LRP2: variants seen among roughly 807,000 people sequenced by gnomAD.
LRP2 encodes low-density lipoprotein receptor-related protein 2.
LRP2 carries 172 observed loss-of-function variants against 531.0 expected under a neutral mutation model. The observed-to-expected ratio is 0.32, with a 90% CI of 0.29 to 0.37. LRP2 has a LOEUF of 0.37. Ranked by LOEUF, LRP2 falls within the 10% of genes least tolerant of loss-of-function variation. The pLI, the probability that LRP2 is intolerant of heterozygous loss-of-function variation, is 1.00. For synonymous variants in LRP2, 1,992 were observed against 2,027.6 expected (o/e 0.98, Z 0.47); for missense variants, 5,167 against 5,868.3 (o/e 0.88, Z 3.90).
chr2:169,327,522 CCGGG>C, intron 1 of LRP2, among the ~76,000 whole-genome samples: 1 of 123,220 alleles, frequency 8.1e-6, no homozygotes, highest in Non-Finnish European at 1.7e-5. Flanking sequence ...GCCGCCCCGT[CCGGG>C]AGGGAGGTGG....
intron 48 of LRP2, among the ~76,000 whole-genome samples, chr2:169,190,237 T>C (rs1241903562): frequency 6.6e-6 from 1 of 152,186 alleles, no homozygotes; most frequent in Non-Finnish European, 1.5e-5. Flanking sequence ...CACTTTACAT[T>C]CATATTACTT....
chr2:169,199,901 T>C (rs1688137669), intron 44 of LRP2, among the ~76,000 whole-genome samples: 1 of 152,234 alleles, frequency 6.6e-6, no homozygotes, highest in Non-Finnish European at 1.5e-5. Flanking sequence ...GATGTCATTA[T>C]AAAATCTAAA....
intron 1 of LRP2, among the ~76,000 whole-genome samples, chr2:169,354,109 G>C (rs1020924478): frequency 6.6e-6 from 1 of 152,156 alleles, no homozygotes; most frequent in African/African-American, 2.4e-5. Context: ...AAAGTGACAA[G>C]CAAATCACTG....
chr2:169,204,258 G>A lies in LRP2; in HGVS notation c.7729C>T (p.Arg2577Cys), dbSNP rs367997832. 23 of 1,612,862 alleles carry A rather than the reference G, an allele frequency of 1.4e-5. No individual in the cohort carries two copies. Among genetic ancestry groups the A allele is most frequent in the South Asian group, 7.7e-5 (7 of 91,086 alleles). ...WVDASLQRIERSTLTGVDREV... is the reference protein window; with the variant it reads ...WVDASLQRIECSTLTGVDREV... ...CGATCCACGCCCGTCAGAGTGCTGCGTTCAATCCTCTGCCTAAAATGAAGC... is the reference window on the plus strand; with the variant it reads ...CGATCCACGCCCGTCAGAGTGCTGCATTCAATCCTCTGCCTAAAATGAAGC... The change falls in exon 42 of 79, where the codon CGC becomes TGC. Residue 2577 changes from arginine (R) to cysteine (C), a missense_variant. Transcript: ENST00000649046.
At chr2:169,228,082 T>A (rs973269588) in intron 31 of LRP2, among the ~76,000 whole-genome samples, 5 of 152,188 alleles carry the variant, frequency 3.3e-5, no homozygotes, top group African/African-American at 1.2e-4. Context: ...GGTAAGTATT[T>A]CCCTTAATTT....
chr2:169,323,013 C>T (rs1684945673), intron 1 of LRP2, among the ~76,000 whole-genome samples: 1 of 151,870 alleles, frequency 6.6e-6, no homozygotes, highest in African/African-American at 2.4e-5. Flanking sequence ...AACTAAAATA[C>T]CAAGTTAAAC....
chr2:169,162,456 A>C lies in LRP2; in HGVS notation c.11887+16T>G. The stretch of plus-strand genomic sequence containing the variant: ...TGAGTTACTACAATGAACTATAAAA[A>C]CAAGTGTTTACTTACTGCAACCCAG... On this transcript the variant is annotated intron_variant, in intron 63 of 78. Transcript: ENST00000649046. The C allele has an allele frequency of 1.2e-6, 2 of 1,613,924 alleles. No individual in the cohort carries two copies. The highest frequency in any genetic ancestry group is 1.7e-6 in the Non-Finnish European group (2 of 1,179,884).
chr2:169,248,620 T>C (rs1286137952), intron 19 of LRP2, among the ~76,000 whole-genome samples: 1 of 149,920 alleles, frequency 6.7e-6, no homozygotes, highest in Non-Finnish European at 1.5e-5. Flanking sequence ...AACAGCAATG[T>C]TGAGGGGAGG....
At position 169,181,725 on chromosome 2, in the gene LRP2, C is replaced by CCCCTCAGAA; in HGVS notation, c.9999-108_9999-107insTTCTGAGGG. The CCCCTCAGAA allele has an allele frequency of 2.4e-4, 238 of 992,128 alleles. 7 individuals carry two copies. Among genetic ancestry groups the CCCCTCAGAA allele is most frequent in the Admixed American group, 1.0e-3 (53 of 51,212 alleles). The allele number at this position is 992,128 out of a possible 1,614,324, so 61.5% of individuals were successfully genotyped here. A position where few individuals can be genotyped will look rare whatever the true frequency, so the allele number is the denominator to read the frequency against. On this transcript the variant is annotated intron_variant, in intron 51 of 78. Transcript: ENST00000649046. Reference sequence around the variant, plus strand: ...GAAATGGAGTCTGCATTCTGTAGAGCAGACTGCATTCTGAATTCTTTTCTG... The same window carrying CCCCTCAGAA: ...GAAATGGAGTCTGCATTCTGTAGAGCCCCTCAGAAAGACTGCATTCTGAATTCTTTTCTG...
chr2:169,197,430 G>A lies in LRP2; in HGVS notation c.8579-400C>T, dbSNP rs183841207. ...CAATAATGTGATCATATCTAAGCTC[G>A]CTCCACACACAACCTTTTAGCTATG... On this transcript the variant is annotated intron_variant, in intron 45 of 78. Transcript: ENST00000649046. 9.6e-4 allele frequency among the ~76,000 whole-genome samples: 146 copies of A among 152,188 alleles called. 1 individual carries two copies. The East Asian group carries it at 0.015, about 16-fold the overall frequency.
chr2:169,140,888 C>G (rs138804998), intron 71 of LRP2, among the ~76,000 whole-genome samples: 1 of 152,176 alleles, frequency 6.6e-6, no homozygotes, highest in African/African-American at 2.4e-5. Flanking sequence ...AATTCTCCTC[C>G]GTGAACCCAG....
At chr2:169,246,047 T>C (rs1451249278) in intron 21 of LRP2, among the ~76,000 whole-genome samples, 2 of 152,210 alleles carry the variant, frequency 1.3e-5, no homozygotes, top group African/African-American at 2.4e-5. Context: ...AAATACAAAT[T>C]AGCTGGGTGT....
At position 169,140,439 on chromosome 2, in the gene LRP2, C is replaced by A; in HGVS notation, c.13199+16G>T. ...GAGGCAAGGCCTATAGCTGGGACCT[C>A]AACATTCAGACTTACTTGCATTTGG... On this transcript the variant is annotated intron_variant, in intron 72 of 78. Transcript: ENST00000649046. The A allele has an allele frequency of 6.2e-7, 1 of 1,609,480 alleles. No individual in the cohort carries two copies.
At chr2:169,215,609 C>A (rs1162413727) in intron 35 of LRP2, among the ~76,000 whole-genome samples, 1 of 151,038 alleles carries the variant, frequency 6.6e-6, no homozygotes, top group Non-Finnish European at 1.5e-5. Flanking sequence ...TACATACATA[C>A]ACACACACAT....
chr2:169,243,568 A>G, intron 22 of LRP2, 46 bp from the exon 23 acceptor site: 1 of 1,612,762 alleles, frequency 6.2e-7, no homozygotes, highest in South Asian at 1.1e-5. Flanking sequence ...TTCCTGTGCA[A>G]CAAGTACCAG....
chr2:169,170,553 C>T lies in LRP2; in HGVS notation c.11378G>A (p.Cys3793Tyr). Residue 3793 changes from cysteine (C) to tyrosine (Y), a missense_variant and splice_region_variant, in exon 59 of 79, where the codon TGT becomes TAT. Transcript: ENST00000649046. Reference protein sequence around the residue: ...DCGDNSDERDCEMRTCHPEYF... With the variant: ...DCGDNSDERDYEMRTCHPEYF... ...TAAGCTTCTCAAATGACAGTTACCA[C>T]AGTCCCGTTCATCTGAGTTGTCCCC... 6.2e-7 allele frequency: 1 copy of T among 1,611,000 alleles called. No individual in the cohort carries two copies. Among genetic ancestry groups the T allele is most frequent in the Non-Finnish European group, 8.5e-7 (1 of 1,177,118 alleles).
chr2:169,345,219 G>T (rs1196992464), intron 1 of LRP2, among the ~76,000 whole-genome samples: 1 of 152,166 alleles, frequency 6.6e-6, no homozygotes, highest in Non-Finnish European at 1.5e-5. Context: ...GATTTCTTGA[G>T]TGTGTTTTCT....
At chr2:169,279,308 A>G in intron 12 of LRP2, 64 bp downstream of exon 12, 1 of 1,149,860 alleles carries the variant, frequency 8.7e-7, no homozygotes, top group Non-Finnish European at 1.3e-6. Context: ...GTAGATGTTC[A>G]GTGTATAGAG....
intron 3 of LRP2, among the ~76,000 whole-genome samples, chr2:169,313,997 T>C (rs899040759): frequency 1.3e-5 from 2 of 152,218 alleles, no homozygotes; most frequent in Non-Finnish European, 2.9e-5. Context: ...CAGAGCTTCT[T>C]TTACTTATAT....
Sources: allele counts gnomAD v4.1 joint callset (sites outside exome capture counted in the v4.1 genomes callset), GRCh38; gene constraint gnomAD v4.1.1; transcripts MANE v1.5; gene names NCBI Gene and HGNC (gene_info 2026-07-23, HGNC 2026-07-21).